The following STK3 variants were observed in gnomAD, a reference collection of about 807,000 sequenced individuals.
STK3 encodes serine/threonine-protein kinase 3.
In STK3, 41 loss-of-function variants were observed where a neutral mutation model predicts 58.0. The observed-to-expected ratio is 0.71, with a 90% CI of 0.55 to 0.92. The LOEUF is 0.92. Ranked by LOEUF, STK3 falls within the 40% of genes least tolerant of loss-of-function variation. The pLI is 0.00. For missense variants in STK3, 479 were observed against 602.7 expected (o/e 0.79, Z 2.15); for synonymous variants, 170 against 191.0 (o/e 0.89, Z 0.91).
chr8:98,810,802 G>A (rs185785125), intron 1 of STK3, among the ~76,000 whole-genome samples: 1 of 152,114 alleles, frequency 6.6e-6, no homozygotes, highest in South Asian at 2.1e-4. Context: ...GGGTCATGGG[G>A]GAGGATCCTT....
intron 6 of STK3, among the ~76,000 whole-genome samples, chr8:98,680,986 T>TA (rs897110233): frequency 1.3e-5 from 2 of 150,398 alleles, no homozygotes; most frequent in African/African-American, 4.9e-5. Context: ...CCTTTCTTTT[T>TA]TTTTTTTTTT....
At chr8:98,628,027 G>A (rs138947788) in intron 6 of STK3, among the ~76,000 whole-genome samples, 14 of 152,260 alleles carry the variant, frequency 9.2e-5, no homozygotes, top group African/African-American at 3.4e-4. Flanking sequence ...CAGCTCAGTA[G>A]AATACTACAA....
At chr8:98,891,399 T>C (rs1037030731) in intron 1 of STK3, among the ~76,000 whole-genome samples, 5 of 152,244 alleles carry the variant, frequency 3.3e-5, no homozygotes, top group African/African-American at 1.2e-4. Flanking sequence ...TTAACCATCC[T>C]TTGTTACATT....
chr8:98,450,028 A>C (rs1390084295), downstream of STK3, among the ~76,000 whole-genome samples: 1 of 152,160 alleles, frequency 6.6e-6, no homozygotes, highest in Non-Finnish European at 1.5e-5. Context: ...CTTTTCTTTA[A>C]ATTACCCAGT....
At chr8:98,756,091 C>G (rs1229368282) in intron 3 of STK3, among the ~76,000 whole-genome samples, 1 of 151,338 alleles carries the variant, frequency 6.6e-6, no homozygotes, top group Admixed American at 6.6e-5. Flanking sequence ...TGCAGAGAGA[C>G]GAGATCGTGC....
At chr8:98,430,739 T>G (rs1818314673) in intron 3 of STK3, 1 of 167,060 alleles carries the variant, frequency 6.0e-6, no homozygotes, top group South Asian at 2.1e-4. Flanking sequence ...GGGGGGTGAC[T>G]GGGTAGAGGC....
chr8:98,837,755 C>T (rs2131800013), intron 3 of STK3, among the ~76,000 whole-genome samples: 1 of 151,992 alleles, frequency 6.6e-6, no homozygotes, highest in Admixed American at 6.6e-5. Context: ...TAGTGTAGAC[C>T]CCCATCTCTA....
At chr8:98,835,117 G>A (rs1289728889) in intron 3 of STK3, among the ~76,000 whole-genome samples, 1 of 152,190 alleles carries the variant, frequency 6.6e-6, no homozygotes, top group African/African-American at 2.4e-5. Flanking sequence ...AGGCATGACT[G>A]AAGTTCCATA....
intron 3 of STK3, among the ~76,000 whole-genome samples, chr8:98,851,671 A>G (rs1430213765): frequency 6.6e-6 from 1 of 152,184 alleles, no homozygotes; most frequent in African/African-American, 2.4e-5. Flanking sequence ...AGGAATAGAA[A>G]AAGGAGGGGT....
At chr8:98,618,501 T>A (rs1193056187) in intron 6 of STK3, among the ~76,000 whole-genome samples, 1 of 151,478 alleles carries the variant, frequency 6.6e-6, no homozygotes, top group Non-Finnish European at 1.5e-5. Context: ...GGGTATTCAA[T>A]TAGGAAAAGA....
intron 3 of STK3, among the ~76,000 whole-genome samples, chr8:98,409,422 C>T (rs1290606497): frequency 6.6e-6 from 1 of 152,240 alleles, no homozygotes; most frequent in East Asian, 1.9e-4. Flanking sequence ...CCATTCCCTG[C>T]ATCCTTCAGT....
At chr8:98,821,735 T>G (rs1834917205) in intron 1 of STK3, among the ~76,000 whole-genome samples, 1 of 151,786 alleles carries the variant, frequency 6.6e-6, no homozygotes, top group Admixed American at 6.6e-5. Context: ...TAACGAAATC[T>G]AAGGAATCTA....
intron 3 of STK3, among the ~76,000 whole-genome samples, chr8:98,864,609 C>T (rs1421970006): frequency 6.6e-6 from 1 of 152,146 alleles, no homozygotes; most frequent in Non-Finnish European, 1.5e-5. Context: ...TGGTTGATTC[C>T]CCTGTGTTGG....
intron 6 of STK3, among the ~76,000 whole-genome samples, chr8:98,652,595 T>A (rs1290570349): frequency 1.3e-4 from 19 of 145,252 alleles, no homozygotes; most frequent in Non-Finnish European, 2.1e-4. Flanking sequence ...CCATCTCACG[T>A]GCAGAGACAC....
intron 9 of STK3, among the ~76,000 whole-genome samples, chr8:98,540,025 A>T (rs1003247095): frequency 6.6e-6 from 1 of 152,310 alleles, no homozygotes; most frequent in East Asian, 1.9e-4. Context: ...AAGTGCTGGG[A>T]TTACAGGCGT....
chr8:98,399,780 C>G (rs1817926260), downstream of STK3, among the ~76,000 whole-genome samples: 1 of 152,156 alleles, frequency 6.6e-6, no homozygotes, highest in Non-Finnish European at 1.5e-5. Flanking sequence ...ATGTCACCAA[C>G]TGAGAGCAGT....
At chr8:98,583,572 G>C (rs1586923276) in intron 7 of STK3, among the ~76,000 whole-genome samples, 1 of 152,178 alleles carries the variant, frequency 6.6e-6, no homozygotes, top group South Asian at 2.1e-4. Context: ...ACTGTGGTTT[G>C]GATGAAGTAC....
intron 6 of STK3, among the ~76,000 whole-genome samples, chr8:98,674,664 C>A (rs1184260185): frequency 6.6e-6 from 1 of 152,102 alleles, no homozygotes. Context: ...AGTCTAAAAA[C>A]CCTTCACTTC....
chr8:98,825,883 G>GGCCC (rs1383905965), upstream of STK3, among the ~76,000 whole-genome samples: 100 of 21,170 alleles, frequency 4.7e-3, 13 homozygotes, highest in African/African-American at 0.018. Context: ...CGGCCGCGCC[G>GGCCC]GCCGCCAGCC....
Sources: gnomAD v4.1 joint callset for allele counts (sites outside exome capture counted in the v4.1 genomes callset) on GRCh38, gnomAD v4.1.1 for gene constraint, MANE v1.5 for transcripts, NCBI Gene and HGNC (gene_info 2026-07-23, HGNC 2026-07-21) for gene names.